The following SHISA9 variants were observed in gnomAD, a reference collection of about 807,000 sequenced individuals.
SHISA9 encodes shisa family member 9.
SHISA9 carries 13 observed loss-of-function variants against 38.0 expected under a neutral mutation model. The ratio of observed to expected loss-of-function variants is 0.34; its 90% CI spans 0.22 to 0.54. The LOEUF is 0.54. Ranked by LOEUF, SHISA9 falls within the 20% of genes least tolerant of loss-of-function variation. SHISA9 has a pLI of 0.91. For synonymous variants in SHISA9, 275 were observed against 242.0 expected (o/e 1.14, Z -1.27); for missense variants, 538 against 575.8 (o/e 0.93, Z 0.67).
chr16:13,528,550 A>G, the SHISA9 span, among the ~76,000 whole-genome samples: 1 of 152,204 alleles, frequency 6.6e-6, no homozygotes, highest in African/African-American at 2.4e-5. Context: ...ACCTTTCCTC[A>G]TATGAATCCC....
the SHISA9 span, among the ~76,000 whole-genome samples, chr16:13,522,769 GTTCTTTA>G: frequency 6.6e-6 from 1 of 152,122 alleles, no homozygotes; most frequent in African/African-American, 2.4e-5. Context: ...CTTTAAATTA[GTTCTTTA>G]GGATTTAGGG....
intron 2 of SHISA9, among the ~76,000 whole-genome samples, chr16:13,013,030 C>T (rs78928818): frequency 2.2e-3 from 336 of 152,130 alleles, no homozygotes; most frequent in African/African-American, 7.8e-3. Flanking sequence ...TGCTGCCTGT[C>T]TCTCTCTCTC....
the SHISA9 span, among the ~76,000 whole-genome samples, chr16:13,300,250 C>T: frequency 6.6e-6 from 1 of 152,156 alleles, no homozygotes; most frequent in Non-Finnish European, 1.5e-5. Flanking sequence ...CCAATCCGCC[C>T]CCACATTCCA....
chr16:13,297,588 G>A, the SHISA9 span, among the ~76,000 whole-genome samples: 30 of 152,318 alleles, frequency 2.0e-4, 1 homozygote, highest in Admixed American at 4.6e-4. Flanking sequence ...CAAGAACGGA[G>A]TAGCAGACAC....
At chr16:13,375,184 C>T in the SHISA9 span, among the ~76,000 whole-genome samples, 1 of 152,186 alleles carries the variant, frequency 6.6e-6, no homozygotes, top group African/African-American at 2.4e-5. Context: ...AATTAGATCC[C>T]ATTTGTCAAT....
chr16:13,042,316 C>A (rs79471619), intron 2 of SHISA9, among the ~76,000 whole-genome samples: 2,685 of 152,290 alleles, frequency 0.018, 81 homozygotes, highest in African/African-American at 0.061. Flanking sequence ...TGGCTTCTTT[C>A]TGCTCATTGA....
the SHISA9 span, among the ~76,000 whole-genome samples, chr16:13,476,738 G>GTGTTTTTTTTTTT: frequency 4.6e-5 from 3 of 65,228 alleles, no homozygotes; most frequent in African/African-American, 1.6e-4. Context: ...CCTGTTTTGT[G>GTGTTTTTTTTTTT]TTTTTTTTTT....
rs116746901 is a variant in SHISA9, at chr16:13,121,978, T to C, written c.692-81416T>C. Among the ~76,000 whole-genome samples the C allele has an allele frequency of 4.4e-3, 675 of 152,042 alleles. 7 individuals are homozygous for C. Among genetic ancestry groups the C allele is most frequent in the African/African-American group, 0.016 (644 of 41,482 alleles). The stretch of plus-strand genomic sequence containing the variant: ...GATAATAAAAGCAATCCCGTGAGGA[T>C]TGAGTGATACTGTTCACATAAACTA... On this transcript the variant is annotated intron_variant, in intron 2 of 4. Transcript: ENST00000558583.
chr16:13,358,604 C>T, the SHISA9 span, among the ~76,000 whole-genome samples: 11 of 152,166 alleles, frequency 7.2e-5, no homozygotes, highest in African/African-American at 2.7e-4. Context: ...ACCCAAAAAC[C>T]GTAAGAGAGT....
At chr16:13,353,115 T>C in the SHISA9 span, among the ~76,000 whole-genome samples, 2 of 152,068 alleles carry the variant, frequency 1.3e-5, no homozygotes, top group Admixed American at 6.6e-5. Context: ...ATGGACGATG[T>C]TTCTCAGGGC....
the SHISA9 span, among the ~76,000 whole-genome samples, chr16:13,491,741 C>T: frequency 3.0e-4 from 45 of 149,946 alleles, no homozygotes; most frequent in South Asian, 7.2e-3. Flanking sequence ...CCACCCGCCT[C>T]GACCTCCCAA....
chr16:13,028,987 C>G (rs1041114826), intron 2 of SHISA9, among the ~76,000 whole-genome samples: 3 of 152,178 alleles, frequency 2.0e-5, no homozygotes. Flanking sequence ...GATGCAAATG[C>G]AATTGAGGTC....
chr16:13,326,558 T>C, the SHISA9 span, among the ~76,000 whole-genome samples: 2 of 152,156 alleles, frequency 1.3e-5, no homozygotes, highest in African/African-American at 4.8e-5. Flanking sequence ...TCATCTCTAC[T>C]AAACCTACAA....
chr16:13,222,034 G>A (rs2051231124), intron 4 of SHISA9, among the ~76,000 whole-genome samples: 1 of 152,162 alleles, frequency 6.6e-6, no homozygotes, highest in South Asian at 2.1e-4. Context: ...GAAGGCCAAG[G>A]GGAAGCAAAA....
chr16:13,275,493 G>A, the SHISA9 span, among the ~76,000 whole-genome samples: 2 of 152,000 alleles, frequency 1.3e-5, no homozygotes, highest in African/African-American at 4.8e-5. Context: ...GTTCGATGTA[G>A]TAATATTTTA....
At chr16:12,956,904 T>C (rs970077694) in intron 2 of SHISA9, among the ~76,000 whole-genome samples, 4 of 152,198 alleles carry the variant, frequency 2.6e-5, no homozygotes, top group Admixed American at 6.5e-5. Flanking sequence ...TTTAGATATA[T>C]ATGAAACCTA....
Position 13,222,693 on chromosome 16 carries a change from A to G in SHISA9, c.895+9393A>G, listed in dbSNP as rs1299543012. ...AGCATCTTCTCTGATGGGAATGTAC[A>G]TTTCAGGAGATGTACCATGCACTAT... On this transcript the variant is annotated intron_variant, in intron 4 of 4. Transcript: ENST00000558583. Among the ~76,000 whole-genome samples the G allele has an allele frequency of 2.0e-5, 3 of 152,088 alleles. No homozygotes were observed. In the East Asian group the frequency reaches 5.8e-4, roughly 30 times the overall value.
At chr16:13,073,354 T>C (rs2073541534) in intron 2 of SHISA9, among the ~76,000 whole-genome samples, 1 of 152,104 alleles carries the variant, frequency 6.6e-6, no homozygotes, top group Non-Finnish European at 1.5e-5. Flanking sequence ...TTTGCCATCT[T>C]TCACAGTTCT....
At chr16:13,366,112 A>C in the SHISA9 span, among the ~76,000 whole-genome samples, 6 of 152,238 alleles carry the variant, frequency 3.9e-5, no homozygotes, top group Non-Finnish European at 8.8e-5. Flanking sequence ...ATTATGCACC[A>C]TTCAAGGGCC....
Sources: allele counts gnomAD v4.1 joint callset (sites outside exome capture counted in the v4.1 genomes callset), GRCh38; gene constraint gnomAD v4.1.1; transcripts MANE v1.5; gene names NCBI Gene and HGNC (gene_info 2026-07-23, HGNC 2026-07-21).